DHRSX: variants seen among roughly 807,000 people sequenced by gnomAD.
DHRSX encodes the protein dehydrogenase/reductase X-linked.
In DHRSX, 31 loss-of-function variants were observed where a neutral mutation model predicts 34.0. That is an observed-to-expected ratio of 0.91 (90% CI 0.69 to 1.23). The LOEUF is 1.23. Ranked by LOEUF, DHRSX falls within the 50% of genes most tolerant of loss-of-function variation. The pLI, the probability that DHRSX is intolerant of heterozygous loss-of-function variation, is 0.00. For synonymous variants in DHRSX, 201 were observed against 183.8 expected (o/e 1.09, Z -0.76); for missense variants, 414 against 428.1 (o/e 0.97, Z 0.29).
chrX:2,356,671 C>G (rs141959784), intron 3 of DHRSX, among the ~76,000 whole-genome samples: 1 of 152,096 alleles, frequency 6.6e-6, no homozygotes, highest in African/African-American at 2.4e-5. Flanking sequence ...GACCAACCTC[C>G]CTCTTCCTCC....
chrX:2,265,819 C>T (rs1408222721), intron 5 of DHRSX, among the ~76,000 whole-genome samples: 9 of 142,156 alleles, frequency 6.3e-5, no homozygotes, highest in African/African-American at 2.1e-4. Flanking sequence ...GCAGGGAGCA[C>T]TGTCCTCAGA....
chrX:2,365,607 T>C (rs926050586), intron 3 of DHRSX, among the ~76,000 whole-genome samples: 2 of 152,172 alleles, frequency 1.3e-5, no homozygotes, highest in African/African-American at 2.4e-5. Flanking sequence ...GCTCTGAAGA[T>C]GGAAGTGAGA....
chrX:2,355,899 C>G (rs1322204716), intron 3 of DHRSX, among the ~76,000 whole-genome samples: 1 of 151,144 alleles, frequency 6.6e-6, no homozygotes, highest in Non-Finnish European at 1.5e-5. Context: ...AACCCCATCT[C>G]TACTAAAAAT....
chrX:2,470,404 T>TA (rs201130992), intron 1 of DHRSX, among the ~76,000 whole-genome samples: 2,321 of 142,216 alleles, frequency 0.016, 62 homozygotes, highest in African/African-American at 0.056. Flanking sequence ...TCTAAACAAA[T>TA]AAAAAAAAAA....
intron 1 of DHRSX, among the ~76,000 whole-genome samples, chrX:2,426,752 TC>T (rs2043855300): frequency 6.8e-6 from 1 of 147,654 alleles, no homozygotes; most frequent in Non-Finnish European, 1.5e-5. Context: ...CTTCCTTCCT[TC>T]CCTTCCCTTC....
intron 3 of DHRSX, among the ~76,000 whole-genome samples, chrX:2,391,513 A>T (rs1215045756): frequency 6.6e-6 from 1 of 152,162 alleles, no homozygotes; most frequent in East Asian, 1.9e-4. Context: ...GACTGGGGGA[A>T]AAAATAAACC....
chrX:2,272,997 G>T (rs2041577868), intron 4 of DHRSX, among the ~76,000 whole-genome samples: 1 of 152,182 alleles, frequency 6.6e-6, no homozygotes, highest in African/African-American at 2.4e-5. Context: ...TGCAGGCCAG[G>T]CATGGTGGCT....
intron 3 of DHRSX, among the ~76,000 whole-genome samples, chrX:2,399,735 A>C (rs1468326997): frequency 7.0e-6 from 1 of 142,340 alleles, no homozygotes; most frequent in Non-Finnish European, 1.5e-5. Flanking sequence ...CAAAAAAAAA[A>C]AAAAAAACAA....
chrX:2,237,931 C>T (rs1164174789), intron 6 of DHRSX, among the ~76,000 whole-genome samples: 1 of 152,094 alleles, frequency 6.6e-6, no homozygotes, highest in African/African-American at 2.4e-5. Flanking sequence ...ACTGATGAAG[C>T]TGCGAGGAGC....
intron 4 of DHRSX, among the ~76,000 whole-genome samples, chrX:2,271,766 C>A (rs1176097241): frequency 6.6e-6 from 1 of 152,110 alleles, no homozygotes; most frequent in Non-Finnish European, 1.5e-5. Context: ...AAGCCCGGCC[C>A]GGTGGGTCAT....
intron 1 of DHRSX, among the ~76,000 whole-genome samples, chrX:2,497,725 C>A (rs1569350939): frequency 6.6e-6 from 1 of 152,192 alleles, no homozygotes; most frequent in Non-Finnish European, 1.5e-5. Context: ...CAGGTACCAT[C>A]AATTTTCTCT....
At chrX:2,266,073 C>T (rs1225708860) in intron 5 of DHRSX, among the ~76,000 whole-genome samples, 4 of 147,772 alleles carry the variant, frequency 2.7e-5, no homozygotes, top group African/African-American at 7.6e-5. Flanking sequence ...CCCCAGAGCA[C>T]CAGTGCTCGG....
chrX:2,261,197 G>A (rs2041358961), intron 5 of DHRSX, among the ~76,000 whole-genome samples: 1 of 151,882 alleles, frequency 6.6e-6, no homozygotes, highest in African/African-American at 2.4e-5. Context: ...GCAACAGAGT[G>A]ACATTTGTCT....
chrX:2,235,876 G>A (rs1228184870), intron 6 of DHRSX, among the ~76,000 whole-genome samples: 1 of 149,782 alleles, frequency 6.7e-6, no homozygotes, highest in Middle Eastern at 3.4e-3. Context: ...CACTTTGGGA[G>A]ACCGAGGCGG....
chrX:2,253,794 C>T (rs1343580364), intron 5 of DHRSX, among the ~76,000 whole-genome samples: 2 of 152,208 alleles, frequency 1.3e-5, no homozygotes, highest in African/African-American at 4.8e-5. Context: ...GGCGCGGTGG[C>T]TCACGCCTGT....
At chrX:2,318,096 G>C (rs191487534) in intron 3 of DHRSX, among the ~76,000 whole-genome samples, 1 of 151,284 alleles carries the variant, frequency 6.6e-6, no homozygotes, top group Non-Finnish European at 1.5e-5. Context: ...TGTAATACCA[G>C]AGCTTTGGGA....
intron 5 of DHRSX, among the ~76,000 whole-genome samples, chrX:2,254,596 C>T (rs1327871933): frequency 1.3e-5 from 2 of 152,070 alleles, no homozygotes; most frequent in East Asian, 1.9e-4. Context: ...TTCTTGATAA[C>T]GATCCGCCTA....
chrX:2,399,743 C>CAAAAAAAAAAAAAAAAAAAAAA (rs951340315), intron 3 of DHRSX, among the ~76,000 whole-genome samples: 2 of 54,644 alleles, frequency 3.7e-5, no homozygotes, highest in African/African-American at 1.6e-4. Flanking sequence ...AAAAAAAAAA[C>CAAAAAAAAAAAAAAAAAAAAAA]AAAAAAACAC....
At chrX:2,360,248 C>G (rs141118435) in intron 3 of DHRSX, among the ~76,000 whole-genome samples, 7,476 of 152,196 alleles carry the variant, frequency 0.049, 256 homozygotes, top group Non-Finnish European at 0.075. Context: ...TATTCAACAT[C>G]TCATTAAACA....
Sources: gnomAD v4.1 joint callset for allele counts (sites outside exome capture counted in the v4.1 genomes callset) on GRCh38, gnomAD v4.1.1 for gene constraint, MANE v1.5 for transcripts, NCBI Gene and HGNC (gene_info 2026-07-23, HGNC 2026-07-21) for gene names.